Variants in CMSS1 observed in about 807,000 individuals in gnomAD.
CMSS1 encodes the protein protein CMSS1.
In CMSS1, 33 loss-of-function variants were observed where a neutral mutation model predicts 43.5. The observed-to-expected ratio is 0.76, with a 90% confidence interval of 0.57 to 1.01. The LOEUF (loss-of-function observed/expected upper bound fraction) is 1.01. CMSS1 is among the 50% of genes least tolerant of loss of function. CMSS1 has a pLI of 0.00. For missense variants in CMSS1, 313 were observed against 326.4 expected (o/e 0.96, Z 0.32); for synonymous variants, 115 against 117.2 (o/e 0.98, Z 0.12).
chr3:99,829,326 C>T (rs1038670501), intron 1 of CMSS1, among the ~76,000 whole-genome samples: 2 of 152,110 alleles, frequency 1.3e-5, no homozygotes, highest in African/African-American at 4.8e-5. Context: ...TTACTCTGTC[C>T]ACACTGAATT....
chr3:100,097,142 AC>A (rs2066223877), intron 1 of CMSS1, among the ~76,000 whole-genome samples: 1 of 152,282 alleles, frequency 6.6e-6, no homozygotes, highest in Admixed American at 6.5e-5. Context: ...CCTATTGTGA[AC>A]TACAGAACTG....
chr3:99,978,567 A>G (rs572668400), intron 1 of CMSS1, among the ~76,000 whole-genome samples: 122 of 152,348 alleles, frequency 8.0e-4, no homozygotes, highest in African/African-American at 2.7e-3. Flanking sequence ...ATTCTCATTC[A>G]TATGTGGAAG....
At chr3:99,908,662 G>C (rs1706696792) in intron 1 of CMSS1, among the ~76,000 whole-genome samples, 1 of 152,152 alleles carries the variant, frequency 6.6e-6, no homozygotes, top group African/African-American at 2.4e-5. Flanking sequence ...TGAATATTAT[G>C]TGGACAATAA....
intron 1 of CMSS1, chr3:99,925,844 GC>G: frequency 1.0e-6 from 1 of 985,418 alleles, no homozygotes; most frequent in South Asian, 4.7e-5. Flanking sequence ...GAGTTAGACA[GC>G]CAAGCTCACT....
intron 1 of CMSS1, among the ~76,000 whole-genome samples, chr3:100,111,492 C>T (rs1399143320): frequency 5.3e-5 from 8 of 152,084 alleles, no homozygotes; most frequent in South Asian, 2.1e-4. Context: ...AATTGATATG[C>T]GAGTTTTATA....
At position 100,160,476 on chromosome 3, in the gene CMSS1, C is replaced by T; in HGVS notation, c.200C>T (p.Thr67Ile). 1.3e-6 allele frequency: 2 copies of T among 1,511,244 alleles called. No homozygotes were observed. The highest frequency in any genetic ancestry group is 9.2e-7 in the Non-Finnish European group (1 of 1,091,016). 93.6% of individuals were successfully genotyped at this position (1,511,244 alleles called of 1,614,324 possible). A position where few individuals can be genotyped will look rare whatever the true frequency, so the allele number is the denominator to read the frequency against. Residue 67 changes from threonine (T) to isoleucine (I), a missense_variant, in exon 3 of 10, where the codon ACC becomes ATC. Physicochemically the swap from Thr to Ile is moderately conservative, Grantham distance 89 (BLOSUM62 -1). Transcript: ENST00000421999. ...LIQPKERKEN[T>I]TKTRKRRKKK... ...CAACCAAAGGAAAGAAAAGAGAATACCACCAAGACCAGGAAAAGAAGAAAG... is the reference window on the plus strand; with the variant it reads ...CAACCAAAGGAAAGAAAAGAGAATATCACCAAGACCAGGAAAAGAAGAAAG...
chr3:100,067,645 A>G (rs1365551488), intron 1 of CMSS1, among the ~76,000 whole-genome samples: 2 of 152,238 alleles, frequency 1.3e-5, no homozygotes, highest in Non-Finnish European at 2.9e-5. Flanking sequence ...GATTATCTAG[A>G]TGATTCAATT....
intron 1 of CMSS1, among the ~76,000 whole-genome samples, chr3:100,119,159 T>C (rs1254702156): frequency 2.0e-5 from 3 of 152,200 alleles, no homozygotes; most frequent in Non-Finnish European, 4.4e-5. Flanking sequence ...GATTTTACAA[T>C]TATTACTGCA....
At chr3:99,913,145 A>G (rs910399491) in intron 1 of CMSS1, among the ~76,000 whole-genome samples, 1 of 152,184 alleles carries the variant, frequency 6.6e-6, no homozygotes, top group East Asian at 1.9e-4. Context: ...TAGCACCCTC[A>G]TCTCTGACTT....
intron 5 of CMSS1, among the ~76,000 whole-genome samples, 200 bp from the exon 6 acceptor site, chr3:100,167,538 T>C (rs990875709): frequency 1.6e-4 from 25 of 152,246 alleles, no homozygotes; most frequent in African/African-American, 5.8e-4. Context: ...TATGTTTGTT[T>C]TGTGTTACAA....
rs139792965 is a variant in CMSS1 at position 99,893,456 on chromosome 3, C to T, written c.64+75413C>T. Among the ~76,000 whole-genome samples the T allele has an allele frequency of 4.4e-3, 666 of 152,190 alleles. 7 individuals are homozygous for T. The highest frequency in any genetic ancestry group is 0.016 in the African/African-American group (653 of 41,536). Reference sequence around the variant, plus strand: ...CTGGGATTACAGGCTTGAGCCACCTCGCCCAGCCGGCATCTAGACATTTTT... The same window carrying T: ...CTGGGATTACAGGCTTGAGCCACCTTGCCCAGCCGGCATCTAGACATTTTT... On this transcript the variant is annotated intron_variant, in intron 1 of 9. Coordinates refer to ENST00000421999, the MANE Select transcript of CMSS1 (RefSeq NM_032359.4).
In CMSS1 at chr3:100,144,957, AT is replaced by A. The variant is rs1290433979; in HGVS notation, c.65-2011del. On this transcript the variant is annotated intron_variant, in intron 1 of 9. Transcript: ENST00000421999. ...TTTTTTTAAATATGTAATGTCTAGG[AT>A]TTTTCATTGTACTTCGCCAGAGGGG... 8.5e-5 allele frequency among the ~76,000 whole-genome samples: 13 copies of A among 152,066 alleles called. No individual in the cohort carries two copies. The South Asian group carries it at 2.7e-3, about 32-fold the overall frequency.
At chr3:100,092,199 G>C in intron 1 of CMSS1, among the ~76,000 whole-genome samples, 1 of 152,148 alleles carries the variant, frequency 6.6e-6, no homozygotes. Flanking sequence ...TGTTAAATAG[G>C]AGGTAGAAAA....
At chr3:100,091,796 AG>A (rs1409823677) in intron 1 of CMSS1, among the ~76,000 whole-genome samples, 1 of 152,232 alleles carries the variant, frequency 6.6e-6, no homozygotes, top group African/African-American at 2.4e-5. Flanking sequence ...TCCTTAAGAC[AG>A]GATTATTTGC....
chr3:100,103,873 C>T (rs887957227), intron 1 of CMSS1, among the ~76,000 whole-genome samples: 1 of 152,176 alleles, frequency 6.6e-6, no homozygotes, highest in African/African-American at 2.4e-5. Context: ...TATCAATGAA[C>T]AGCTGATATT....
At chr3:100,022,707 C>A (rs1220904135) in intron 1 of CMSS1, among the ~76,000 whole-genome samples, 1 of 152,152 alleles carries the variant, frequency 6.6e-6, no homozygotes, top group Non-Finnish European at 1.5e-5. Flanking sequence ...ACCTAAGGTT[C>A]TTTTTCTTCA....
At position 99,941,502 on chromosome 3, in the gene CMSS1, G is replaced by A. The variant is rs76667186; in HGVS notation, c.64+123459G>A. 4.5e-3 allele frequency among the ~76,000 whole-genome samples: 689 copies of A among 152,298 alleles called. 7 individuals carry two copies. Among genetic ancestry groups the A allele is most frequent in the African/African-American group, 0.016 (675 of 41,564 alleles). On this transcript the variant is annotated intron_variant, in intron 1 of 9. Transcript: ENST00000421999. ...AAGGTGGATGAAAAACACAGTATGT[G>A]GGGAATATCAAATTGTGCCTATGCT...
At chr3:100,099,618 C>T (rs1409759509) in intron 1 of CMSS1, among the ~76,000 whole-genome samples, 4 of 152,118 alleles carry the variant, frequency 2.6e-5, no homozygotes, top group Admixed American at 2.6e-4. Context: ...TTTCTGTCTT[C>T]CTAAGGTGAT....
At chr3:100,074,675 ATTTTTTTTTTTTTTTTTT>A (rs555819875) in intron 1 of CMSS1, among the ~76,000 whole-genome samples, 35 of 34,784 alleles carry the variant, frequency 1.0e-3, no homozygotes, top group African/African-American at 2.4e-3. Flanking sequence ...GCAACATTTG[ATTTTTTTTTTTTTTTTTT>A]TTTTTTTTTT....
Sources: gnomAD v4.1 joint callset for allele counts (sites outside exome capture counted in the v4.1 genomes callset) on GRCh38, gnomAD v4.1.1 for gene constraint, MANE v1.5 for transcripts, NCBI Gene and HGNC (gene_info 2026-07-23, HGNC 2026-07-21) for gene names.